The following BIRC6 variants were observed in gnomAD, a reference collection of about 807,000 sequenced individuals.
BIRC6 encodes baculoviral IAP repeat containing 6.
In BIRC6, 98 loss-of-function variants were observed where a neutral mutation model predicts 503.3. The observed-to-expected ratio is 0.19, with a 90% confidence interval of 0.17 to 0.23. The LOEUF (loss-of-function observed/expected upper bound fraction) is 0.23, where lower values mean the gene tolerates loss of function less well. Ranked by LOEUF, BIRC6 falls within the 10% of genes least tolerant of loss-of-function variation. The pLI, the probability that BIRC6 is intolerant of heterozygous loss-of-function variation, is 1.00. For synonymous variants in BIRC6, 2,240 were observed against 2,078.7 expected, an observed-to-expected ratio of 1.08 and a Z score of -2.11; for missense variants, 5,360 against 5,806.0, an observed-to-expected ratio of 0.92 and a Z score of 2.50.
At chr2:32,553,665 C>T (rs1001191094) in intron 65 of BIRC6, among the ~76,000 whole-genome samples, 47 of 151,858 alleles carry the variant, frequency 3.1e-4, no homozygotes, top group African/African-American at 1.0e-3. Context: ...GGTGGGATTA[C>T]AGACAGGCAT....
At chr2:32,363,629 G>A (rs2034448739) in intron 1 of BIRC6, among the ~76,000 whole-genome samples, 1 of 152,134 alleles carries the variant, frequency 6.6e-6, no homozygotes, top group African/African-American at 2.4e-5. Context: ...TTGAGATTAT[G>A]TGGAGAGAGC....
At chr2:32,607,061 G>C (rs543844465) in intron 71 of BIRC6, among the ~76,000 whole-genome samples, 1 of 149,830 alleles carries the variant, frequency 6.7e-6, no homozygotes, top group East Asian at 2.0e-4. Flanking sequence ...CTTAAGAACA[G>C]TTTGAGCAGA....
chr2:32,364,520 C>T (rs776620373), intron 1 of BIRC6, among the ~76,000 whole-genome samples: 17 of 152,102 alleles, frequency 1.1e-4, no homozygotes, highest in Non-Finnish European at 2.5e-4. Context: ...GGATTGCAGG[C>T]GTGAGCCACC....
At chr2:32,364,622 T>C (rs1246459281) in intron 1 of BIRC6, among the ~76,000 whole-genome samples, 1 of 152,192 alleles carries the variant, frequency 6.6e-6, no homozygotes, top group Non-Finnish European at 1.5e-5. Context: ...AGTGACTTTT[T>C]TTTTTCCACT....
chr2:32,610,686 G>T (rs2062808222), intron 72 of BIRC6, among the ~76,000 whole-genome samples: 1 of 152,122 alleles, frequency 6.6e-6, no homozygotes, highest in Non-Finnish European at 1.5e-5. Context: ...CTCTGGACAG[G>T]ATTAATTTTC....
At chr2:32,448,463 A>G (rs919272382) in intron 21 of BIRC6, among the ~76,000 whole-genome samples, 1 of 151,874 alleles carries the variant, frequency 6.6e-6, no homozygotes, top group African/African-American at 2.4e-5. Flanking sequence ...AGCCCGGCCA[A>G]CACAGCAAAA....
intron 6 of BIRC6, 108 bp downstream of exon 6, chr2:32,395,701 A>G (rs1322665169): frequency 4.1e-5 from 36 of 886,958 alleles, no homozygotes; most frequent in Admixed American, 1.3e-4. Flanking sequence ...TTTGCCACCT[A>G]TATTTTTGTC....
intron 65 of BIRC6, chr2:32,565,674 C>G (rs2059488049): frequency 6.6e-6 from 1 of 152,052 alleles, no homozygotes; most frequent in African/African-American, 2.4e-5. Flanking sequence ...TAAAGAACTG[C>G]CTGAGACTGG....
At chr2:32,581,334 T>G (rs1367817846) in intron 66 of BIRC6, among the ~76,000 whole-genome samples, 1 of 152,210 alleles carries the variant, frequency 6.6e-6, no homozygotes, top group Non-Finnish European at 1.5e-5. Context: ...TATTATTAAT[T>G]TTATTAAATA....
At chr2:32,498,777 G>T (rs981331486) in intron 45 of BIRC6, among the ~76,000 whole-genome samples, 4 of 151,948 alleles carry the variant, frequency 2.6e-5, no homozygotes, top group Non-Finnish European at 5.9e-5. Context: ...GTAGAGATGG[G>T]GTTTCGCCAT....
At chr2:32,491,847 G>C (rs940654306) in intron 44 of BIRC6, among the ~76,000 whole-genome samples, 1 of 152,058 alleles carries the variant, frequency 6.6e-6, no homozygotes. Flanking sequence ...CAAAGGTAGA[G>C]AAGCATTTCA....
At chr2:32,441,906 T>A (rs1428505284) in intron 17 of BIRC6, among the ~76,000 whole-genome samples, 159 bp from the exon 18 acceptor site, 2 of 152,226 alleles carry the variant, frequency 1.3e-5, no homozygotes, top group Non-Finnish European at 2.9e-5. Context: ...TTAAAAAATT[T>A]TCTACAAATG....
chr2:32,517,821 A>G (rs1462569559), intron 55 of BIRC6, among the ~76,000 whole-genome samples: 2 of 151,928 alleles, frequency 1.3e-5, no homozygotes, highest in African/African-American at 4.8e-5. Flanking sequence ...GGCTCAAATG[A>G]TCTCTTCTCT....
chr2:32,485,624 T>A lies in BIRC6; in HGVS notation c.7697-19T>A. The A allele has an allele frequency of 1.3e-6, 2 of 1,536,400 alleles. No homozygotes were observed. Among genetic ancestry groups the A allele is most frequent in the Non-Finnish European group, 1.8e-6 (2 of 1,113,078 alleles). ...AATAATTGTCAATGTTTTCTTTTTC[T>A]TTCAATTGCTTTTTGTAGCCCTGGA... On this transcript the variant is annotated intron_variant, in intron 39 of 73. Transcript: ENST00000421745.
At chr2:32,449,000 G>GATT (rs2046384180) in intron 22 of BIRC6, 72 bp downstream of exon 22, 3 of 1,404,594 alleles carry the variant, frequency 2.1e-6, no homozygotes, top group Admixed American at 4.2e-5. Flanking sequence ...TGACTTAATA[G>GATT]ATTATAGTCA....
intron 21 of BIRC6, 92 bp downstream of exon 21, chr2:32,445,760 A>C (rs1436501685): frequency 1.1e-6 from 1 of 944,706 alleles, no homozygotes; most frequent in Non-Finnish European, 1.4e-6. Flanking sequence ...ATATGCTGAT[A>C]ACAGTCTTTT....
At chr2:32,514,924 A>T (rs1169059623) in intron 54 of BIRC6, 66 bp from the exon 55 acceptor site, 5 of 1,267,972 alleles carry the variant, frequency 3.9e-6, no homozygotes, top group Non-Finnish European at 5.5e-6. Flanking sequence ...CTATAACAGA[A>T]ATATTTGAAA....
Position 32,482,565 on chromosome 2 carries a change from G to A in BIRC6, c.7679G>A (p.Ser2560Asn). ...NTEKNGSQTVSVSVSQALDAR... is the reference protein window; with the variant it reads ...NTEKNGSQTVNVSVSQALDAR... ...GAGAAGAACGGATCACAGACAGTTA[G>A]CGTTTCAGTCTCTCAGGGTAAGTGT... Residue 2560 changes from serine to asparagine, a missense_variant, in exon 39 of 74, where the codon AGC becomes AAC. This residue lies in a region of BIRC6 where 2,299 missense variants were observed against 2,267.2 expected (regional missense o/e 1.01). Transcript: ENST00000421745. The A allele has an allele frequency of 1.9e-6, 3 of 1,613,908 alleles. No homozygotes were observed. The highest frequency in any genetic ancestry group is 2.5e-6 in the Non-Finnish European group (3 of 1,179,830).
At chr2:32,459,521 C>A (rs943060147) in intron 23 of BIRC6, among the ~76,000 whole-genome samples, 2 of 152,022 alleles carry the variant, frequency 1.3e-5, no homozygotes, top group Admixed American at 6.6e-5. Context: ...TATTCTAGGT[C>A]TTTTGTATTT....
Sources: gnomAD v4.1 joint callset for allele counts (sites outside exome capture counted in the v4.1 genomes callset) on GRCh38, gnomAD v4.1.1 for gene constraint, gnomAD v4.1.1 regional missense constraint, MANE v1.5 for transcripts, NCBI Gene and HGNC (gene_info 2026-07-23, HGNC 2026-07-21) for gene names.